Variants in FAM162A observed in about 807,000 individuals in gnomAD.
FAM162A encodes the protein family with sequence similarity 162 member A.
In FAM162A, 23 loss-of-function variants were observed where a neutral mutation model predicts 21.8. The ratio of observed to expected loss-of-function variants is 1.05; its 90% CI spans 0.76 to 1.49. FAM162A has a LOEUF of 1.49. Ranked by LOEUF, FAM162A falls within the 40% of genes most tolerant of loss-of-function variation. The pLI is 0.00. For synonymous variants in FAM162A, 53 were observed against 61.3 expected, an observed-to-expected ratio of 0.86 and a Z score of 0.64; for missense variants, 165 against 186.4, an observed-to-expected ratio of 0.89 and a Z score of 0.67.
At chr3:122,409,644 C>T in intron 4 of FAM162A, 95 bp from the exon 5 acceptor site, 1 of 1,046,842 alleles carries the variant, frequency 9.6e-7, no homozygotes. Flanking sequence ...CTCCATGCCT[C>T]CATGCCTCTG....
intron 1 of FAM162A, among the ~76,000 whole-genome samples, chr3:122,391,828 A>G (rs1032723188): frequency 6.6e-6 from 1 of 152,242 alleles, no homozygotes. Flanking sequence ...CAAGAGTGAC[A>G]TTCTCACAGA....
intron 1 of FAM162A, among the ~76,000 whole-genome samples, chr3:122,386,862 T>G (rs1343332965): frequency 1.3e-5 from 2 of 152,218 alleles, no homozygotes; most frequent in Non-Finnish European, 2.9e-5. Flanking sequence ...TCCTGTGAAC[T>G]TCTCAAATTT....
Position 122,384,653 on chromosome 3 carries a change from A to C in FAM162A, c.34+354A>C, listed in dbSNP as rs147935621. On this transcript the variant is annotated intron_variant, in intron 1 of 4. Coordinates refer to ENST00000477892, the MANE Select transcript of FAM162A (RefSeq NM_014367.4). The stretch of plus-strand genomic sequence containing the variant: ...CCTTTACCCATGCATTCAGCTTTCC[A>C]CCCTAACCTCCCCTATCTATTGCTC... Among the ~76,000 whole-genome samples the C allele has an allele frequency of 2.1e-4, 32 of 150,630 alleles. No homozygotes were observed. In the East Asian group the frequency reaches 6.3e-3, roughly 29 times the overall value.
At position 122,410,969 on chromosome 3, in the gene FAM162A, A is replaced by G. The variant is rs2075702132; in HGVS notation, c.*1138A>G. On this transcript the variant is annotated 3_prime_UTR_variant, in exon 5 of 5. Coordinates refer to ENST00000477892, the MANE Select transcript of FAM162A (RefSeq NM_014367.4). ...TAACTCTTATTTAATAATTGCCTCA[A>G]AGTGCATTGTGCTGTGCCTAATTTA... 1 of 152,222 alleles carries G rather than the reference A, an allele frequency of 6.6e-6. No individual in the cohort carries two copies. Among genetic ancestry groups the G allele is most frequent in the African/African-American group, 2.4e-5 (1 of 41,444 alleles). 9.4% of individuals were successfully genotyped at this position (152,222 alleles called of 1,614,324 possible).
In FAM162A at chr3:122,402,807, C is replaced by T. The variant is rs1233353002; in HGVS notation, c.82C>T (p.Leu28Phe). The change falls in exon 2 of 5, where the codon CTT (leucine) becomes TTT (phenylalanine). Residue 28 changes from leucine to phenylalanine, a missense_variant. Transcript: ENST00000477892. ...CERDVSSSLRLTRSSDLKRIN... is the reference protein window; with the variant it reads ...CERDVSSSLRFTRSSDLKRIN... Reference sequence around the variant, plus strand: ...AAGAGATGTTTCCTCATCTCTAAGGCTTACCAGAAGCTCTGATTTGAAGAG... The same window carrying T: ...AAGAGATGTTTCCTCATCTCTAAGGTTTACCAGAAGCTCTGATTTGAAGAG... 1.9e-6 allele frequency: 3 copies of T among 1,603,182 alleles called. No homozygotes were observed. Among genetic ancestry groups the T allele is most frequent in the Non-Finnish European group, 2.6e-6 (3 of 1,175,218 alleles).
intron 1 of FAM162A, among the ~76,000 whole-genome samples, chr3:122,388,217 G>A (rs915110972): frequency 6.6e-6 from 1 of 152,186 alleles, no homozygotes; most frequent in African/African-American, 2.4e-5. Context: ...GGATGAGTTT[G>A]GAGATACTGA....
intron 3 of FAM162A, among the ~76,000 whole-genome samples, chr3:122,406,594 A>T (rs1386608239): frequency 3.9e-5 from 6 of 152,364 alleles, no homozygotes; most frequent in African/African-American, 1.4e-4. Context: ...GCACTTGCCA[A>T]AGACCACAAT....
At chr3:122,404,393 C>A in intron 3 of FAM162A, 30 bp downstream of exon 3, 2 of 1,227,904 alleles carry the variant, frequency 1.6e-6, no homozygotes, top group Non-Finnish European at 2.4e-6. Context: ...TTACAAGCAG[C>A]TTTCATTTCT....
chr3:122,407,202 A>G, intron 3 of FAM162A, 79 bp from the exon 4 acceptor site: 3 of 1,165,528 alleles, frequency 2.6e-6, no homozygotes, highest in Non-Finnish European at 2.5e-6. Context: ...TTTTGAATTT[A>G]TACACAGCCT....
At chr3:122,395,737 A>G (rs908729365) in intron 1 of FAM162A, among the ~76,000 whole-genome samples, 2 of 152,188 alleles carry the variant, frequency 1.3e-5, no homozygotes, top group African/African-American at 4.8e-5. Flanking sequence ...GAGTAGGCAA[A>G]CTAATCTTTA....
At chr3:122,406,645 TA>T (rs1049359127) in intron 3 of FAM162A, among the ~76,000 whole-genome samples, 2 of 152,162 alleles carry the variant, frequency 1.3e-5, no homozygotes, top group Non-Finnish European at 1.5e-5. Context: ...AACATTTGTT[TA>T]AAAAGATAAA....
chr3:122,399,378 C>T (rs1278451422), intron 1 of FAM162A, among the ~76,000 whole-genome samples: 1 of 151,986 alleles, frequency 6.6e-6, no homozygotes, highest in Non-Finnish European at 1.5e-5. Flanking sequence ...GGTTGGAGTG[C>T]ACTGTCATGA....
intron 1 of FAM162A, among the ~76,000 whole-genome samples, chr3:122,385,322 G>GTAT (rs1424499777): frequency 6.6e-6 from 1 of 152,126 alleles, no homozygotes; most frequent in African/African-American, 2.4e-5. Context: ...AAACTAGAGA[G>GTAT]TATTATTATA....
At chr3:122,392,244 T>G (rs966070219) in intron 1 of FAM162A, among the ~76,000 whole-genome samples, 3 of 152,244 alleles carry the variant, frequency 2.0e-5, no homozygotes, top group African/African-American at 7.2e-5. Context: ...ATTCTTTTTC[T>G]GTTTAAAGAG....
Position 122,407,399 on chromosome 3 carries a change from G to A in FAM162A, c.372+10G>A. 6.3e-7 allele frequency: 1 copy of A among 1,590,630 alleles called. No individual in the cohort carries two copies. Among genetic ancestry groups the A allele is most frequent in the South Asian group, 1.1e-5 (1 of 90,548 alleles). ...TATTGAGGGCAAGAAGGTGAGAAGG[G>A]GTTTCTTCTCTATCCAGTATGTATG... On this transcript the variant is annotated intron_variant, in intron 4 of 4. Transcript: ENST00000477892.
At chr3:122,393,178 G>A (rs938478543) in intron 1 of FAM162A, among the ~76,000 whole-genome samples, 7 of 152,150 alleles carry the variant, frequency 4.6e-5, no homozygotes, top group East Asian at 1.9e-4. Flanking sequence ...GAAAAAGACT[G>A]TGTGCCAGGT....
At position 122,412,330 on chromosome 3, in the gene FAM162A, G is replaced by A. The variant is rs2075709602; in HGVS notation, c.*2499G>A. ...TTGTTTGAATAAAGTTAATGTGTGA[G>A]GTTACGGTTACTTTTTATTTTTAAT... On this transcript the variant is annotated 3_prime_UTR_variant, in exon 5 of 5. Coordinates refer to ENST00000477892, the MANE Select transcript of FAM162A (RefSeq NM_014367.4). 1 of 152,068 alleles carries A rather than the reference G, an allele frequency of 6.6e-6. No homozygotes were observed. The highest frequency in any genetic ancestry group is 1.5e-5 in the Non-Finnish European group (1 of 68,020). 9.4% of individuals were successfully genotyped at this position (152,068 alleles called of 1,614,324 possible). A position where few individuals can be genotyped will look rare whatever the true frequency, so the allele number is the denominator to read the frequency against.
chr3:122,384,806 A>G (rs1409773059), intron 1 of FAM162A, among the ~76,000 whole-genome samples: 1 of 152,252 alleles, frequency 6.6e-6, no homozygotes, highest in African/African-American at 2.4e-5. Flanking sequence ...AGAGATTAAT[A>G]ATAATTGTTT....
chr3:122,402,950 A>G, intron 2 of FAM162A, 68 bp downstream of exon 2: 1 of 1,501,910 alleles, frequency 6.7e-7, no homozygotes, highest in Non-Finnish European at 8.9e-7. Context: ...TGGAATCAAA[A>G]GAACCCAAAA....
Sources: gnomAD v4.1 joint callset for allele counts (sites outside exome capture counted in the v4.1 genomes callset) on GRCh38, gnomAD v4.1.1 for gene constraint, MANE v1.5 for transcripts, NCBI Gene and HGNC (gene_info 2026-07-23, HGNC 2026-07-21) for gene names.